The following SAV1 variants were observed in gnomAD, a reference collection of about 807,000 sequenced individuals.
The protein encoded by SAV1 is salvador family WW domain containing protein 1, also known as protein salvador homolog 1.
Under a neutral mutation model 47.3 loss-of-function variants are expected in SAV1, and 23 were observed. That is an observed-to-expected ratio of 0.49 (90% CI 0.35 to 0.69). SAV1 has a LOEUF of 0.69. Among genes scored for constraint, SAV1 ranks in the 30% least tolerant of loss-of-function variants. SAV1 has a pLI of 0.01. For synonymous variants in SAV1, 155 were observed against 159.2 expected (o/e 0.97, Z 0.20); for missense variants, 448 against 457.4 (o/e 0.98, Z 0.19).
In SAV1 at chr14:50,644,973, T is replaced by C; in HGVS notation, c.577A>G (p.Asn193Asp). 6.2e-7 allele frequency: 1 copy of C among 1,613,144 alleles called. No homozygotes were observed. Residue 193 changes from asparagine (N) to aspartate (D), a missense_variant, in exon 3 of 5, where the codon AAC becomes GAC. Asn to Asp is a conservative substitution (Grantham distance 23). Coordinates refer to ENST00000324679, the MANE Select transcript of SAV1 (RefSeq NM_021818.4). ...AGGGGTAAATCTTCAGAACCATGGT[T>C]AGTCAAATTTCCTAAAGATGTAGCA... ...VAATSLGNLT[N>D]HGSEDLPLPP...
intron 2 of SAV1, among the ~76,000 whole-genome samples, chr14:50,659,446 T>C (rs1297563570): frequency 6.6e-6 from 1 of 152,248 alleles, no homozygotes; most frequent in East Asian, 1.9e-4. Flanking sequence ...CCTCCATGTA[T>C]GACTGCTTGC....
intron 2 of SAV1, among the ~76,000 whole-genome samples, chr14:50,651,475 T>C (rs2039769121): frequency 6.6e-6 from 1 of 152,164 alleles, no homozygotes; most frequent in Admixed American, 6.5e-5. Flanking sequence ...TTAAATATCC[T>C]ATGTAACTTA....
intron 2 of SAV1, among the ~76,000 whole-genome samples, chr14:50,646,682 T>C (rs528230269): frequency 2.0e-4 from 23 of 117,652 alleles, no homozygotes; most frequent in African/African-American, 7.8e-4. Flanking sequence ...TGAAACTCTG[T>C]CTCAAAAAAA....
At chr14:50,649,580 T>C (rs1386294903) in intron 2 of SAV1, among the ~76,000 whole-genome samples, 1 of 152,202 alleles carries the variant, frequency 6.6e-6, no homozygotes, top group Non-Finnish European at 1.5e-5. Context: ...TTTTTTATAA[T>C]CAAGAGAGTA....
intron 2 of SAV1, among the ~76,000 whole-genome samples, chr14:50,659,687 A>C (rs2039842431): frequency 6.6e-6 from 1 of 152,190 alleles, no homozygotes; most frequent in Admixed American, 6.5e-5. Flanking sequence ...TCTACTAAAA[A>C]TACAAAAAAT....
At chr14:50,645,856 T>A (rs2039717261) in intron 2 of SAV1, among the ~76,000 whole-genome samples, 1 of 152,080 alleles carries the variant, frequency 6.6e-6, no homozygotes, top group Non-Finnish European at 1.5e-5. Context: ...CATACAAAAA[T>A]TAATATTTAT....
chr14:50,657,011 C>T (rs1318429552), intron 2 of SAV1, among the ~76,000 whole-genome samples: 1 of 147,390 alleles, frequency 6.8e-6, no homozygotes, highest in Non-Finnish European at 1.5e-5. Flanking sequence ...AAGCACAGAA[C>T]ACAAAACACT....
intron 3 of SAV1, among the ~76,000 whole-genome samples, chr14:50,641,234 G>A (rs1219981439): frequency 6.6e-6 from 1 of 152,154 alleles, no homozygotes; most frequent in East Asian, 1.9e-4. Flanking sequence ...CCTTCCTCCC[G>A]TAGGCTGAAA....
rs1350962418 is a variant in SAV1 at position 50,667,572 on chromosome 14, G to A, written c.94+302C>T. 3.0e-5 allele frequency: 15 copies of A among 499,174 alleles called. No individual in the cohort carries two copies. The East Asian group carries it at 5.8e-4, about 19-fold the overall frequency. 30.9% of individuals were successfully genotyped at this position (499,174 alleles called of 1,614,324 possible). The stretch of plus-strand genomic sequence containing the variant: ...GCATTAGGTGATAAGCAATTTAAAT[G>A]TTTCCTACTCTCTCTTCCAGTAATC... On this transcript the variant is annotated intron_variant, in intron 1 of 4. Coordinates refer to ENST00000324679, the MANE Select transcript of SAV1 (RefSeq NM_021818.4).
At chr14:50,635,988 G>A (rs2039631719) in intron 4 of SAV1, among the ~76,000 whole-genome samples, 1 of 152,006 alleles carries the variant, frequency 6.6e-6, no homozygotes, top group African/African-American at 2.4e-5. Context: ...ATTAACTTTG[G>A]GAGCCACCGC....
intron 2 of SAV1, among the ~76,000 whole-genome samples, chr14:50,649,719 CCAGA>C (rs1434343978): frequency 6.6e-6 from 1 of 151,990 alleles, no homozygotes; most frequent in Non-Finnish European, 1.5e-5. Context: ...CAGTTGCACC[CCAGA>C]CAAAATTTTA....
chr14:50,666,565 A>G (rs558609462), intron 1 of SAV1, among the ~76,000 whole-genome samples: 1 of 152,312 alleles, frequency 6.6e-6, no homozygotes, highest in East Asian at 1.9e-4. Context: ...CAACAAAACA[A>G]AGTAGATCAA....
At chr14:50,656,518 C>G (rs1179716014) in intron 2 of SAV1, among the ~76,000 whole-genome samples, 2 of 149,706 alleles carry the variant, frequency 1.3e-5, no homozygotes, top group Non-Finnish European at 2.9e-5. Context: ...TCTCCGCTCA[C>G]TGCAAGCTCT....
At chr14:50,648,878 T>C (rs1033950076) in intron 2 of SAV1, among the ~76,000 whole-genome samples, 9 of 152,216 alleles carry the variant, frequency 5.9e-5, no homozygotes, top group African/African-American at 2.2e-4. Flanking sequence ...AGGTTGGTGA[T>C]ACTGGCTGAG....
intron 2 of SAV1, among the ~76,000 whole-genome samples, chr14:50,661,981 ATTGTT>A (rs1431072062): frequency 1.3e-5 from 2 of 151,962 alleles, no homozygotes; most frequent in African/African-American, 2.4e-5. Context: ...AAATTTTAGG[ATTGTT>A]TTATTTCTGT....
At chr14:50,636,809 A>G (rs2039638706) in intron 4 of SAV1, among the ~76,000 whole-genome samples, 1 of 152,214 alleles carries the variant, frequency 6.6e-6, no homozygotes, top group African/African-American at 2.4e-5. Context: ...CTAAGACTAG[A>G]CAAAGAACTT....
chr14:50,667,948 G>C lies in SAV1; in HGVS notation c.20C>G (p.Thr7Ser), dbSNP rs1415492510. Residue 7 changes from threonine to serine, a missense_variant, in exon 1 of 5, where the codon ACC becomes AGC. Coordinates refer to ENST00000324679, the MANE Select transcript of SAV1 (RefSeq NM_021818.4). ...GGCCGGCTTGGACACTTCGTTTTTGGTTTTCTTTCGGGACAGCATCCTTCT... is the reference window on the plus strand; with the variant it reads ...GGCCGGCTTGGACACTTCGTTTTTGCTTTTCTTTCGGGACAGCATCCTTCT... MLSRKK[T>S]KNEVSKPAEV... 1 of 1,611,580 alleles carries C rather than the reference G, an allele frequency of 6.2e-7. No homozygotes were observed. Among genetic ancestry groups the C allele is most frequent in the Non-Finnish European group, 8.5e-7 (1 of 1,179,250 alleles).
chr14:50,641,621 G>C (rs2140249597), intron 3 of SAV1, among the ~76,000 whole-genome samples: 1 of 152,260 alleles, frequency 6.6e-6, no homozygotes, highest in African/African-American at 2.4e-5. Context: ...CAACATCACT[G>C]CTTATTAGAG....
At chr14:50,655,863 T>C (rs994221935) in intron 2 of SAV1, among the ~76,000 whole-genome samples, 2 of 151,804 alleles carry the variant, frequency 1.3e-5, no homozygotes, top group African/African-American at 4.8e-5. Flanking sequence ...CTGACCAACA[T>C]GGAGAAACCC....
Sources: gnomAD v4.1 joint callset for allele counts (sites outside exome capture counted in the v4.1 genomes callset) on GRCh38, gnomAD v4.1.1 for gene constraint, MANE v1.5 for transcripts, NCBI Gene and HGNC (gene_info 2026-07-23, HGNC 2026-07-21) for gene names.